Variants in NFYB observed in about 807,000 individuals in gnomAD.
NFYB encodes the protein nuclear transcription factor Y subunit beta, also known as CAAT box DNA-binding protein subunit B.
A neutral mutation model predicts 28.0 loss-of-function variants in NFYB; 13 were observed. The observed-to-expected ratio is 0.46, with a 90% confidence interval of 0.30 to 0.74. The LOEUF (loss-of-function observed/expected upper bound fraction) is 0.74. NFYB is among the 30% of genes least tolerant of loss of function. NFYB has a pLI of 0.07. For missense variants in NFYB, 142 were observed against 247.6 expected, an observed-to-expected ratio of 0.57 and a Z score of 2.86; for synonymous variants, 74 against 75.0, an observed-to-expected ratio of 0.99 and a Z score of 0.07.
chr12:104,131,972 A>G (rs2030941539), intron 2 of NFYB: 2 of 336,942 alleles, frequency 5.9e-6, no homozygotes, highest in Admixed American at 8.0e-5. Context: ...TGAGAACAAG[A>G]CTTAACCTCC....
At chr12:104,130,046 G>A (rs574030347) in intron 2 of NFYB, among the ~76,000 whole-genome samples, 3 of 152,332 alleles carry the variant, frequency 2.0e-5, no homozygotes, top group Non-Finnish European at 4.4e-5. Context: ...CATAAGCCCT[G>A]AGCTGGCTCC....
At chr12:104,123,201 G>T in intron 5 of NFYB, 25 bp downstream of exon 5, 2 of 1,496,606 alleles carry the variant, frequency 1.3e-6, no homozygotes, top group South Asian at 1.2e-5. Flanking sequence ...AAAAAAAAAA[G>T]CACAATGGGA....
At chr12:104,120,161 T>C (rs540637178) in intron 7 of NFYB, among the ~76,000 whole-genome samples, 8 of 152,130 alleles carry the variant, frequency 5.3e-5, no homozygotes, top group Non-Finnish European at 1.2e-4. Context: ...GTTCAAGTGA[T>C]TCTCCTGCCT....
chr12:104,128,658 C>CT (rs1022547986), intron 2 of NFYB, 141 bp from the exon 3 acceptor site: 7 of 466,204 alleles, frequency 1.5e-5, no homozygotes, highest in Admixed American at 3.8e-5. Context: ...ATTTATATTT[C>CT]TTTTTTAAAA....
In NFYB at chr12:104,123,400, A is replaced by G. The variant is rs1429367562; in HGVS notation, c.255T>C (p.Cys85=). ...TGKIAKDAKE[C]VQECVSEFIS... Reference sequence around the variant, plus strand: ...TGAACTCACTTACACATTCTTGAACACATTCTTTGGCATCTTTTGCAATCT... The same window carrying G: ...TGAACTCACTTACACATTCTTGAACGCATTCTTTGGCATCTTTTGCAATCT... The change falls in exon 5 of 8, where the codon TGT becomes TGC. Residue 85 remains cysteine, a synonymous_variant. Transcript: ENST00000240055. 6.2e-7 allele frequency: 1 copy of G among 1,613,872 alleles called. No individual in the cohort carries two copies.
rs188258403 is a variant in NFYB, at chr12:104,128,863, T to C, written c.7-346A>G. On this transcript the variant is annotated intron_variant, in intron 2 of 7. Transcript: ENST00000240055. ...TTGTATTTTTAGCAGAGACAGGGTTTTGCTATGTTGCCCAGGCTGGTCTGG... is the reference window on the plus strand; with the variant it reads ...TTGTATTTTTAGCAGAGACAGGGTTCTGCTATGTTGCCCAGGCTGGTCTGG... 2.0e-3 allele frequency among the ~76,000 whole-genome samples: 311 copies of C among 152,132 alleles called. 1 individual carries two copies. The highest frequency in any genetic ancestry group is 3.4e-3 in the Middle Eastern group (1 of 294).
At chr12:104,131,397 T>G in intron 2 of NFYB, 1 of 193,128 alleles carries the variant, frequency 5.2e-6, no homozygotes, top group South Asian at 8.3e-5. Flanking sequence ...TCACGCCTTC[T>G]GTCTTCCTTT....
At chr12:104,120,291 G>C in intron 7 of NFYB, 109 bp downstream of exon 7, 2 of 789,332 alleles carry the variant, frequency 2.5e-6, no homozygotes, top group Non-Finnish European at 4.2e-6. Context: ...CTGACCTCAG[G>C]TGATCCACCC....
chr12:104,132,106 A>G (rs2030946350), intron 2 of NFYB, among the ~76,000 whole-genome samples: 1 of 152,234 alleles, frequency 6.6e-6, no homozygotes, highest in Non-Finnish European at 1.5e-5. Context: ...GCTAGTGCCA[A>G]GTACGAAGAA....
chr12:104,125,991 A>ATATT (rs2030696278), intron 4 of NFYB, 123 bp downstream of exon 4: 1 of 1,037,864 alleles, frequency 9.6e-7, no homozygotes, highest in Non-Finnish European at 1.3e-6. Flanking sequence ...CATGAAAGAA[A>ATATT]TATTTGATTT....
intron 2 of NFYB, among the ~76,000 whole-genome samples, chr12:104,130,310 T>G (rs1447495605): frequency 2.0e-5 from 3 of 152,220 alleles, no homozygotes; most frequent in Non-Finnish European, 4.4e-5. Flanking sequence ...ACATGTCTTC[T>G]CCATCTCTGT....
intron 2 of NFYB, among the ~76,000 whole-genome samples, chr12:104,132,353 G>A (rs573094151): frequency 1.2e-4 from 19 of 152,136 alleles, no homozygotes; most frequent in Admixed American, 3.3e-4. Flanking sequence ...AGCAGTGTCC[G>A]GTGGACAAGA....
chr12:104,121,491 CTT>C (rs2030472182), intron 5 of NFYB, among the ~76,000 whole-genome samples, 170 bp from the exon 6 acceptor site: 1 of 152,178 alleles, frequency 6.6e-6, no homozygotes, highest in African/African-American at 2.4e-5. Context: ...AGAAGGCTAA[CTT>C]TTAATATAAG....
chr12:104,131,692 A>T (rs2030929903), intron 2 of NFYB: 2 of 454,562 alleles, frequency 4.4e-6, no homozygotes, highest in Admixed American at 2.4e-5. Flanking sequence ...CTTATAAAAC[A>T]GACTGTAGAT....
At chr12:104,134,327 A>G (rs964072783) in intron 2 of NFYB, among the ~76,000 whole-genome samples, 3 of 152,184 alleles carry the variant, frequency 2.0e-5, no homozygotes, top group African/African-American at 7.2e-5. Flanking sequence ...TTGGGAAATG[A>G]AATTCACCTT....
Position 104,121,106 on chromosome 12 carries a change from G to T in NFYB, c.511+134C>A, listed in dbSNP as rs148332037. On this transcript the variant is annotated intron_variant, in intron 6 of 7. Transcript: ENST00000240055. ...TCACTCACTGACTTCAAATAAAAGG[G>T]CATGAACTGATAAGAACTATTTAAA... The T allele has an allele frequency of 7.0e-5, 49 of 700,646 alleles. 1 individual carries two copies. In the East Asian group the frequency reaches 1.2e-3, roughly 17 times the overall value. The allele number at this position is 700,646 out of a possible 1,614,324, so 43.4% of individuals were successfully genotyped here.
At chr12:104,123,529 T>C (rs1274126790) in intron 4 of NFYB, 106 bp from the exon 5 acceptor site, 3 of 796,460 alleles carry the variant, frequency 3.8e-6, no homozygotes, top group Non-Finnish European at 6.1e-6. Flanking sequence ...ACTTTATGAC[T>C]ATTTAATCTC....
chr12:104,129,894 G>A (rs945787617), intron 2 of NFYB, among the ~76,000 whole-genome samples: 1 of 152,026 alleles, frequency 6.6e-6, no homozygotes, highest in African/African-American at 2.4e-5. Context: ...GAGGGGTCAG[G>A]AAGATCTATG....
chr12:104,120,512 T>G (rs2030430730), intron 6 of NFYB, 33 bp from the exon 7 acceptor site: 1 of 1,427,710 alleles, frequency 7.0e-7, no homozygotes, highest in Non-Finnish European at 9.9e-7. Flanking sequence ...AAGAGGGAAA[T>G]GAACTATATC....
Sources: gnomAD v4.1 joint callset for allele counts (sites outside exome capture counted in the v4.1 genomes callset) on GRCh38, gnomAD v4.1.1 for gene constraint, MANE v1.5 for transcripts, NCBI Gene and HGNC (gene_info 2026-07-23, HGNC 2026-07-21) for gene names.